UCHL5: variants seen among roughly 807,000 people sequenced by gnomAD.
UCHL5 encodes ubiquitin C-terminal hydrolase L5.
In UCHL5, 34 loss-of-function variants were observed where a neutral mutation model predicts 53.8. That is an observed-to-expected ratio of 0.63 (90% CI 0.48 to 0.84). UCHL5 has a LOEUF of 0.84. Ranked by LOEUF, UCHL5 falls within the 40% of genes least tolerant of loss-of-function variation. UCHL5 has a pLI of 0.00. For missense variants in UCHL5, 290 were observed against 385.6 expected (o/e 0.75, Z 2.08); for synonymous variants, 111 against 126.3 (o/e 0.88, Z 0.81).
At chr1:193,020,972 G>T (rs917292808) in intron 10 of UCHL5, 125 bp downstream of exon 10, 1 of 669,230 alleles carries the variant, frequency 1.5e-6, no homozygotes. Context: ...AGAGGCAAAA[G>T]CAAAAGAATA....
intron 3 of UCHL5, among the ~76,000 whole-genome samples, chr1:193,047,047 G>A (rs1247798530): frequency 6.6e-6 from 1 of 151,976 alleles, no homozygotes; most frequent in East Asian, 1.9e-4. Flanking sequence ...TTCTTCATTT[G>A]TGAAATGAAG....
intron 7 of UCHL5, among the ~76,000 whole-genome samples, chr1:193,025,895 A>G (rs1054772304): frequency 6.6e-6 from 1 of 152,164 alleles, no homozygotes; most frequent in African/African-American, 2.4e-5. Flanking sequence ...CCTGATTTCA[A>G]GACTTAGAGT....
intron 10 of UCHL5, chr1:193,018,574 T>C (rs2102257447): frequency 2.5e-6 from 3 of 1,202,926 alleles, no homozygotes; most frequent in Non-Finnish European, 3.1e-6. Context: ...AAAACATTTA[T>C]AGGTTCTAAC....
At chr1:193,039,280 C>T (rs1664717616) in intron 3 of UCHL5, among the ~76,000 whole-genome samples, 1 of 151,942 alleles carries the variant, frequency 6.6e-6, no homozygotes, top group East Asian at 1.9e-4. Flanking sequence ...CATGGTGGCA[C>T]ATGCCTGTAA....
In UCHL5 at chr1:193,016,387, T is replaced by C. The variant is rs1443712332; in HGVS notation, c.951A>G (p.Glu317=). The C allele has an allele frequency of 6.2e-6, 10 of 1,606,812 alleles. No individual in the cohort carries two copies. The highest frequency in any genetic ancestry group is 8.5e-6 in the Non-Finnish European group (10 of 1,177,522). ...QLIPLVEKAK[E]KQNAKKAQET... ...CCTGAGCTTTCTTTGCGTTCTGTTT[T>C]TCTTTTGCCTAAAAATTAAAAATAG... The change falls in exon 11 of 11, where the codon GAA becomes GAG. Residue 317 remains glutamate, a synonymous_variant. Coordinates refer to ENST00000367454, the MANE Select transcript of UCHL5 (RefSeq NM_001199261.3).
chr1:193,012,904 C>A lies in UCHL5; in HGVS notation c.*3447G>T, dbSNP rs958276531. The A allele has an allele frequency of 6.6e-6, 1 of 152,172 alleles. No individual in the cohort carries two copies. The highest frequency in any genetic ancestry group is 2.4e-5 in the African/African-American group (1 of 41,510). 9.4% of individuals were successfully genotyped at this position (152,172 alleles called of 1,614,324 possible). ...TAATCAAGTCAAAAATAAAAAGTGCCCAGTATGCTAGAAGTGGTGAATCTT... is the reference window on the plus strand; with the variant it reads ...TAATCAAGTCAAAAATAAAAAGTGCACAGTATGCTAGAAGTGGTGAATCTT... On this transcript the variant is annotated 3_prime_UTR_variant, in exon 11 of 11. Transcript: ENST00000367454.
chr1:193,038,677 G>C (rs1664488229), intron 3 of UCHL5, among the ~76,000 whole-genome samples: 2 of 152,002 alleles, frequency 1.3e-5, no homozygotes, highest in Admixed American at 6.6e-5. Flanking sequence ...AAAAACTCTT[G>C]GAACTGATAA....
chr1:193,028,067 G>C lies in UCHL5; in HGVS notation c.629+18C>G, dbSNP rs747679531. Reference sequence around the variant, plus strand: ...AAAAAACAGAATATTATGCCAATGAGATTAGCTGAGCATTTACTTTTGTAT... The same window carrying C: ...AAAAAACAGAATATTATGCCAATGACATTAGCTGAGCATTTACTTTTGTAT... On this transcript the variant is annotated intron_variant, in intron 7 of 10. Transcript: ENST00000367454. The C allele has an allele frequency of 1.9e-6, 3 of 1,601,306 alleles. No individual in the cohort carries two copies. Among genetic ancestry groups the C allele is most frequent in the Non-Finnish European group, 1.7e-6 (2 of 1,176,892 alleles).
At chr1:193,055,604 G>C (rs1177184541) in intron 1 of UCHL5, among the ~76,000 whole-genome samples, 1 of 152,216 alleles carries the variant, frequency 6.6e-6, no homozygotes, top group Non-Finnish European at 1.5e-5. Flanking sequence ...ATTCTTAACA[G>C]ATGTTAGATT....
In UCHL5 at chr1:193,012,834, A is replaced by G. The variant is rs1396666380; in HGVS notation, c.*3517T>C. ...CTAGAACAACTCAGATGTACCTCAT[A>G]AGATTGGCTGAATAAATCACTGAAT... On this transcript the variant is annotated 3_prime_UTR_variant, in exon 11 of 11. Coordinates refer to ENST00000367454, the MANE Select transcript of UCHL5 (RefSeq NM_001199261.3). 3.9e-5 allele frequency: 6 copies of G among 152,196 alleles called. No homozygotes were observed. The allele number at this position is 152,196 out of a possible 1,614,324, so 9.4% of individuals were successfully genotyped here.
At chr1:193,034,545 A>G (rs988194739) in intron 3 of UCHL5, among the ~76,000 whole-genome samples, 10 of 152,114 alleles carry the variant, frequency 6.6e-5, no homozygotes, top group Non-Finnish European at 1.5e-4. Flanking sequence ...TTAATTTTAC[A>G]CAAATTGTTC....
chr1:193,054,521 C>T (rs947097424), intron 1 of UCHL5, among the ~76,000 whole-genome samples: 13 of 152,156 alleles, frequency 8.5e-5, no homozygotes, highest in African/African-American at 3.1e-4. Context: ...ATTGACAGCA[C>T]TCAGGTAGTC....
chr1:193,056,428 T>G (rs1206105740), intron 1 of UCHL5, among the ~76,000 whole-genome samples: 1 of 152,194 alleles, frequency 6.6e-6, no homozygotes, highest in African/African-American at 2.4e-5. Context: ...CTTATTAAAA[T>G]GAAAGCTGGG....
At position 193,013,379 on chromosome 1, in the gene UCHL5, A is replaced by G. The variant is rs1654434128; in HGVS notation, c.*2972T>C. 6.6e-6 allele frequency: 1 copy of G among 152,184 alleles called. No individual in the cohort carries two copies. The highest frequency in any genetic ancestry group is 6.5e-5 in the Admixed American group (1 of 15,276). The allele number at this position is 152,184 out of a possible 1,614,324, so 9.4% of individuals were successfully genotyped here. ...CCAATATAAATCTGCATTCCTCTTC[A>G]AATAGCTAGAGTGGTTTGTTTCCTG... On this transcript the variant is annotated 3_prime_UTR_variant, in exon 11 of 11. Coordinates refer to ENST00000367454, the MANE Select transcript of UCHL5 (RefSeq NM_001199261.3).
Position 193,048,625 on chromosome 1 carries a change from T to C in UCHL5, c.246+1121A>G, listed in dbSNP as rs764052381. 2.0e-5 allele frequency among the ~76,000 whole-genome samples: 3 copies of C among 152,230 alleles called. No individual in the cohort carries two copies. The East Asian group carries it at 5.8e-4, about 29-fold the overall frequency. ...AAGATAATATTTCTCTTTTTCCAACTACACATCTGTGTGAGACAGAACTTT... is the reference window on the plus strand; with the variant it reads ...AAGATAATATTTCTCTTTTTCCAACCACACATCTGTGTGAGACAGAACTTT... On this transcript the variant is annotated intron_variant, in intron 3 of 10. Coordinates refer to ENST00000367454, the MANE Select transcript of UCHL5 (RefSeq NM_001199261.3).
chr1:193,050,135 T>C (rs113941754), intron 2 of UCHL5, among the ~76,000 whole-genome samples: 3 of 152,234 alleles, frequency 2.0e-5, no homozygotes, highest in African/African-American at 7.2e-5. Context: ...ACTTAAAAAA[T>C]AAGAATATAG....
At chr1:193,044,240 T>A (rs1156943725) in intron 3 of UCHL5, among the ~76,000 whole-genome samples, 1 of 152,188 alleles carries the variant, frequency 6.6e-6, no homozygotes, top group Non-Finnish European at 1.5e-5. Flanking sequence ...TCTAAGCATA[T>A]TTGAGGGCAG....
chr1:193,059,886 G>T (rs762682649), upstream of UCHL5: 4 of 1,365,242 alleles, frequency 2.9e-6, no homozygotes, highest in East Asian at 1.8e-4. This position sits in a 1 kb window ranked among gnomAD's most constrained non-coding sequence, Gnocchi z 4.9. Flanking sequence ...GTTGAGGCTG[G>T]GCAAACGCCG....
chr1:193,051,484 A>T (rs1489801174), intron 2 of UCHL5, among the ~76,000 whole-genome samples: 3 of 151,388 alleles, frequency 2.0e-5, no homozygotes, highest in African/African-American at 7.3e-5. Context: ...TGTAAAAAAA[A>T]AAAAAAAAAA....
Sources: gnomAD v4.1 joint callset for allele counts (sites outside exome capture counted in the v4.1 genomes callset) on GRCh38, gnomAD v4.1.1 for gene constraint, Gnocchi (gnomAD v3.1) non-coding constraint, MANE v1.5 for transcripts, NCBI Gene and HGNC (gene_info 2026-07-23, HGNC 2026-07-21) for gene names.